MYO6: variants seen among roughly 807,000 people sequenced by gnomAD.
MYO6 encodes the protein myosin VI.
MYO6 carries 74 observed loss-of-function variants against 178.7 expected under a neutral mutation model. The ratio of observed to expected loss-of-function variants is 0.41; its 90% CI spans 0.34 to 0.50. The LOEUF is 0.50. Ranked by LOEUF, MYO6 falls within the 20% of genes least tolerant of loss-of-function variation. The pLI is 0.09. For missense variants in MYO6, 1,330 were observed against 1,547.4 expected (o/e 0.86, Z 2.36); for synonymous variants, 477 against 504.6 (o/e 0.95, Z 0.73).
At chr6:75,847,014 C>T (rs765215795) in intron 10 of MYO6, among the ~76,000 whole-genome samples, 2 of 152,084 alleles carry the variant, frequency 1.3e-5, no homozygotes. Flanking sequence ...TGCCCAATTC[C>T]ATCTGAATGT....
intron 2 of MYO6, 124 bp downstream of exon 2, chr6:75,817,788 G>C (rs1771433614): frequency 1.2e-6 from 1 of 863,442 alleles, no homozygotes; most frequent in Admixed American, 2.0e-5. Context: ...TGGTAAGTGA[G>C]TCTGTTTTCT....
chr6:75,750,639 C>T (rs190631825), intron 1 of MYO6, among the ~76,000 whole-genome samples: 63 of 150,176 alleles, frequency 4.2e-4, no homozygotes, highest in African/African-American at 1.1e-3. Context: ...GACAGAGCCT[C>T]GCTCTGTCAG....
At chr6:75,768,537 T>TG (rs1451043588) in intron 1 of MYO6, among the ~76,000 whole-genome samples, 1 of 151,754 alleles carries the variant, frequency 6.6e-6, no homozygotes, top group Non-Finnish European at 1.5e-5. Context: ...CCTGCCACTA[T>TG]GGCTGGCTAA....
intron 18 of MYO6, chr6:75,867,403 T>C: frequency 3.7e-6 from 1 of 272,894 alleles, no homozygotes; most frequent in East Asian, 9.5e-5. Context: ...CTCTTTCCCA[T>C]GTGTTTTCTG....
chr6:75,868,394 G>T (rs1178633706), intron 18 of MYO6, among the ~76,000 whole-genome samples: 1 of 151,750 alleles, frequency 6.6e-6, no homozygotes. Flanking sequence ...TATATGAAAT[G>T]GATGTCATTC....
chr6:75,752,222 G>A (rs1776963907), intron 1 of MYO6, among the ~76,000 whole-genome samples: 1 of 152,040 alleles, frequency 6.6e-6, no homozygotes, highest in African/African-American at 2.4e-5. Flanking sequence ...AAACTCCTGA[G>A]CTCAAGTGAT....
At chr6:75,906,300 C>A (rs1214737976) in intron 30 of MYO6, among the ~76,000 whole-genome samples, 1 of 152,168 alleles carries the variant, frequency 6.6e-6, no homozygotes, top group Non-Finnish European at 1.5e-5. Context: ...CAAGTGTAAT[C>A]TTTTGCTGAA....
intron 1 of MYO6, among the ~76,000 whole-genome samples, chr6:75,767,008 G>A (rs1363642953): frequency 6.6e-6 from 1 of 151,660 alleles, no homozygotes; most frequent in African/African-American, 2.4e-5. Context: ...TTATTTTTTT[G>A]TGTCATCTTC....
intron 16 of MYO6, chr6:75,865,280 C>G (rs917341154): frequency 1.4e-5 from 2 of 148,104 alleles, no homozygotes; most frequent in African/African-American, 5.0e-5. Flanking sequence ...CCTGACCCTG[C>G]TTAGCTTTTG....
At chr6:75,873,547 G>A (rs1777320164) in intron 20 of MYO6, among the ~76,000 whole-genome samples, 1 of 152,056 alleles carries the variant, frequency 6.6e-6, no homozygotes, top group South Asian at 2.1e-4. Flanking sequence ...AGTCAGCCTG[G>A]GCAACATAGC....
intron 23 of MYO6, among the ~76,000 whole-genome samples, chr6:75,883,040 A>G (rs1778167270): frequency 1.3e-5 from 2 of 152,194 alleles, no homozygotes; most frequent in South Asian, 4.1e-4. Context: ...CAGATGTATG[A>G]TAAAGGACAT....
chr6:75,856,891 A>G (rs1330594655), intron 12 of MYO6, among the ~76,000 whole-genome samples: 3 of 152,090 alleles, frequency 2.0e-5, no homozygotes, highest in African/African-American at 4.8e-5. Context: ...TACCCCAATA[A>G]TAGACTTTTG....
At chr6:75,830,580 T>G (rs746037156) in intron 5 of MYO6, 35 bp downstream of exon 5, 116 of 1,582,708 alleles carry the variant, frequency 7.3e-5, no homozygotes, top group Non-Finnish European at 9.1e-5. Flanking sequence ...ATTCTTGTCT[T>G]TCTTTATATT....
chr6:75,866,490 G>T lies in MYO6; in HGVS notation c.1675-36G>T. The T allele has an allele frequency of 2.1e-6, 3 of 1,453,430 alleles. No individual in the cohort carries two copies. The South Asian group carries it at 3.4e-5, about 17-fold the overall frequency. The allele number at this position is 1,453,430 out of a possible 1,614,324, so 90.0% of individuals were successfully genotyped here. ...AAGAATGATTATGTAATATATTTTT[G>T]ATCATTTAATAACTCATATATGTAT... On this transcript the variant is annotated intron_variant, in intron 16 of 34. Coordinates refer to ENST00000369977, the MANE Select transcript of MYO6 (RefSeq NM_004999.4).
At position 75,867,145 on chromosome 6, in the gene MYO6, A is replaced by G. The variant is rs544450749; in HGVS notation, c.1944+40A>G. On this transcript the variant is annotated intron_variant, in intron 18 of 34. Coordinates refer to ENST00000369977, the MANE Select transcript of MYO6 (RefSeq NM_004999.4). ...TAATTTTTTTTTTACTATATTTAAA[A>G]TGAAATTATTGTTTTATATTCTAAA... 1.4e-5 allele frequency: 20 copies of G among 1,455,284 alleles called. No individual in the cohort carries two copies. The South Asian group carries it at 2.1e-4, about 15-fold the overall frequency. The allele number at this position is 1,455,284 out of a possible 1,614,324, so 90.1% of individuals were successfully genotyped here.
At chr6:75,761,592 A>AACACACACACACACACAC (rs3057486) in intron 1 of MYO6, among the ~76,000 whole-genome samples, 8 of 143,046 alleles carry the variant, frequency 5.6e-5, no homozygotes, top group African/African-American at 2.1e-4. Flanking sequence ...GGGCTGTTAG[A>AACACACACACACACACAC]ACACACACAC....
chr6:75,776,656 G>GT (rs1435115121), intron 1 of MYO6, among the ~76,000 whole-genome samples: 1 of 144,250 alleles, frequency 6.9e-6, no homozygotes, highest in East Asian at 2.0e-4. Context: ...AACGTGCAGT[G>GT]TGTGTGTGTG....
intron 1 of MYO6, among the ~76,000 whole-genome samples, chr6:75,789,815 C>T (rs1228925109): frequency 6.6e-6 from 1 of 152,204 alleles, no homozygotes; most frequent in Non-Finnish European, 1.5e-5. Flanking sequence ...ATTCACCCTA[C>T]TGTGTAACAA....
At position 75,919,177 on chromosome 6, in the gene MYO6, A is replaced by G. The variant is rs896487356; in HGVS notation, c.*4165A>G. On this transcript the variant is annotated 3_prime_UTR_variant, in exon 35 of 35. Transcript: ENST00000369977. ...CAGTTTTGTTACATGGGTATATTGC[A>G]TAGTGGTAAAATGTGGGCTTTTAGT... is the stretch of plus-strand genomic sequence containing the variant. 1 of 152,194 alleles carries G rather than the reference A, an allele frequency of 6.6e-6. No homozygotes were observed. The highest frequency in any genetic ancestry group is 2.1e-4 in the South Asian group (1 of 4,834). 9.4% of individuals were successfully genotyped at this position (152,194 alleles called of 1,614,324 possible).
Sources: gnomAD v4.1 joint callset for allele counts (sites outside exome capture counted in the v4.1 genomes callset) on GRCh38, gnomAD v4.1.1 for gene constraint, MANE v1.5 for transcripts, NCBI Gene and HGNC (gene_info 2026-07-23, HGNC 2026-07-21) for gene names.